The following TRAPPC10 variants were observed in gnomAD, a reference collection of about 807,000 sequenced individuals.
TRAPPC10 encodes trafficking protein particle complex subunit 10, also known as TRAPP 130 kDa subunit.
In TRAPPC10, 23 loss-of-function variants were observed where a neutral mutation model predicts 125.5. The ratio of observed to expected loss-of-function variants is 0.18; its 90% CI spans 0.13 to 0.26. The LOEUF (loss-of-function observed/expected upper bound fraction) is 0.26, where lower values mean the gene tolerates loss of function less well. Ranked by LOEUF, TRAPPC10 falls within the 10% of genes least tolerant of loss-of-function variation. TRAPPC10 has a pLI of 1.00. For missense variants in TRAPPC10, 1,123 were observed against 1,308.4 expected (o/e 0.86, Z 2.19); for synonymous variants, 509 against 518.0 (o/e 0.98, Z 0.24).
At position 44,063,259 on chromosome 21, in the gene TRAPPC10, CCTGT is replaced by C; in HGVS notation, c.791-272_791-269del. On this transcript the variant is annotated intron_variant, in intron 6 of 22. Coordinates refer to ENST00000291574, the MANE Select transcript of TRAPPC10 (RefSeq NM_003274.5). This position sits in a 1 kb window ranked among gnomAD's most constrained non-coding sequence, Gnocchi z 4.4. Reference sequence around the variant, plus strand: ...AGCCTGAGCTCCCCTAACCATGTAGCCTGTCTGTCTCTGGGTGACTTCCCAACCT... The same window carrying C: ...AGCCTGAGCTCCCCTAACCATGTAGCCTGTCTCTGGGTGACTTCCCAACCT... 1.6e-6 allele frequency: 2 copies of C among 1,253,142 alleles called. No individual in the cohort carries two copies. The highest frequency in any genetic ancestry group is 1.5e-5 in the South Asian group (1 of 65,250). The allele number at this position is 1,253,142 out of a possible 1,614,324, so 77.6% of individuals were successfully genotyped here.
chr21:44,028,519 A>C (rs1234625655), intron 1 of TRAPPC10, among the ~76,000 whole-genome samples: 1 of 152,040 alleles, frequency 6.6e-6, no homozygotes, highest in Admixed American at 6.5e-5. Flanking sequence ...TTAGGGATCC[A>C]TGGCACCCCA....
intron 8 of TRAPPC10, among the ~76,000 whole-genome samples, 179 bp downstream of exon 8, chr21:44,074,649 C>T (rs111399180): frequency 6.6e-6 from 1 of 152,344 alleles, no homozygotes; most frequent in African/African-American, 2.4e-5. Flanking sequence ...TACCACATGT[C>T]GATGTAGTCA....
In TRAPPC10 at chr21:44,082,040, G is replaced by A. The variant is rs1219260265; in HGVS notation, c.1724-748G>A. 2.6e-5 allele frequency among the ~76,000 whole-genome samples: 4 copies of A among 152,164 alleles called. No homozygotes were observed. The highest frequency in any genetic ancestry group is 5.9e-5 in the Non-Finnish European group (4 of 68,032). ...AGACTATTTGAGTTGTGATGTTCCT[G>A]CCAACGTTCCTTGGTATCTCTATAC... On this transcript the variant is annotated intron_variant, in intron 13 of 22. Transcript: ENST00000291574. The surrounding 1 kb of genome is among the most constrained non-coding windows in gnomAD (Gnocchi z 4.4).
chr21:44,020,782 A>G lies in TRAPPC10; in HGVS notation c.67+8222A>G, dbSNP rs113854087. Among the ~76,000 whole-genome samples, 827 of 152,324 alleles carry G rather than the reference A, an allele frequency of 5.4e-3. 2 individuals carry two copies. The highest frequency in any genetic ancestry group is 0.019 in the African/African-American group (786 of 41,566). ...GTCAGTTCACCTAGACCAGTCAGCAAGCTCTAAACATCCAGGTTAATGAGA... is the reference window on the plus strand; with the variant it reads ...GTCAGTTCACCTAGACCAGTCAGCAGGCTCTAAACATCCAGGTTAATGAGA... On this transcript the variant is annotated intron_variant, in intron 1 of 22. Transcript: ENST00000291574.
intron 4 of TRAPPC10, among the ~76,000 whole-genome samples, 197 bp downstream of exon 4, chr21:44,052,673 T>C (rs939571268): frequency 1.3e-5 from 2 of 151,894 alleles, no homozygotes; most frequent in African/African-American, 4.8e-5. Flanking sequence ...ATCCCCCGAG[T>C]GTGCTGCCTG....
At position 44,087,591 on chromosome 21, in the gene TRAPPC10, G is replaced by A. The variant is rs1450726652; in HGVS notation, c.2540-108G>A. The stretch of plus-strand genomic sequence containing the variant: ...GTTTGCCTGCCAGGTGCGCAGGAGC[G>A]GGAGAGGTTGAGCAGTGGCCTCACT... On this transcript the variant is annotated intron_variant, in intron 16 of 22. Coordinates refer to ENST00000291574, the MANE Select transcript of TRAPPC10 (RefSeq NM_003274.5). The surrounding 1 kb of genome is among the most constrained non-coding windows in gnomAD (Gnocchi z 4.6). 1.0e-5 allele frequency: 10 copies of A among 955,580 alleles called. No individual in the cohort carries two copies. Among genetic ancestry groups the A allele is most frequent in the South Asian group, 5.8e-5 (4 of 68,914 alleles). The allele number at this position is 955,580 out of a possible 1,614,324, so 59.2% of individuals were successfully genotyped here.
At chr21:44,065,483 A>G (rs1034961900) in intron 7 of TRAPPC10, among the ~76,000 whole-genome samples, 2 of 152,142 alleles carry the variant, frequency 1.3e-5, no homozygotes, top group South Asian at 2.1e-4. Flanking sequence ...AGTCATAGCT[A>G]TTGCACCTCT....
intron 13 of TRAPPC10, among the ~76,000 whole-genome samples, chr21:44,081,364 G>A (rs1035628514): frequency 1.7e-4 from 26 of 151,866 alleles, no homozygotes; most frequent in African/African-American, 6.0e-4. Context: ...TTGCCATATT[G>A]CCCAGGCTGG....
Position 44,046,947 on chromosome 21 carries a change from TA to T in TRAPPC10, c.286-5332del, listed in dbSNP as rs1386643855. 8.5e-6 allele frequency: 7 copies of T among 825,448 alleles called. No homozygotes were observed. The African/African-American group carries it at 1.2e-4, about 14-fold the overall frequency. The allele number at this position is 825,448 out of a possible 1,614,324, so 51.1% of individuals were successfully genotyped here. Reference sequence around the variant, plus strand: ...GTCCTACATTTCAGGTGTCGATGAATATGGCCCACTGGGAACTGCAAGCCGG... The same window carrying T: ...GTCCTACATTTCAGGTGTCGATGAATTGGCCCACTGGGAACTGCAAGCCGG... On this transcript the variant is annotated intron_variant, in intron 3 of 22. Coordinates refer to ENST00000291574, the MANE Select transcript of TRAPPC10 (RefSeq NM_003274.5).
chr21:44,018,966 A>T (rs2032188472), intron 1 of TRAPPC10, among the ~76,000 whole-genome samples: 1 of 152,104 alleles, frequency 6.6e-6, no homozygotes, highest in Admixed American at 6.5e-5. Context: ...TTGCACACTG[A>T]TCTCCAAGTA....
chr21:44,028,360 C>A (rs1459806254), intron 1 of TRAPPC10, among the ~76,000 whole-genome samples: 2 of 152,184 alleles, frequency 1.3e-5, no homozygotes, highest in Non-Finnish European at 2.9e-5. Flanking sequence ...AGCCTGGGGG[C>A]CCATCCAGCG....
At chr21:44,043,429 G>T (rs2034557154) in intron 3 of TRAPPC10, among the ~76,000 whole-genome samples, 1 of 151,844 alleles carries the variant, frequency 6.6e-6, no homozygotes, top group Non-Finnish European at 1.5e-5. Context: ...GGCCAGGCTG[G>T]TCTCAAACTC....
intron 3 of TRAPPC10, chr21:44,046,578 C>A: frequency 5.4e-6 from 1 of 185,090 alleles, no homozygotes. Context: ...ATGGCACGAT[C>A]TCGGCTCACT....
chr21:44,023,592 C>T (rs2032774043), intron 1 of TRAPPC10, among the ~76,000 whole-genome samples: 2 of 152,046 alleles, frequency 1.3e-5, no homozygotes, highest in African/African-American at 4.8e-5. Context: ...CAAGATGTTC[C>T]GGGCTCATTT....
intron 1 of TRAPPC10, among the ~76,000 whole-genome samples, chr21:44,016,738 A>G (rs1006327281): frequency 7.2e-5 from 11 of 152,136 alleles, no homozygotes; most frequent in Non-Finnish European, 5.9e-5. Flanking sequence ...GGCTAACTGC[A>G]AGCTCCGCCT....
intron 1 of TRAPPC10, among the ~76,000 whole-genome samples, chr21:44,022,276 AT>A (rs58767563): frequency 0.012 from 968 of 83,678 alleles, 2 homozygotes; most frequent in African/African-American, 0.026. Context: ...GCCTGGCTAA[AT>A]TTTTTTTTTT....
At position 44,080,046 on chromosome 21, in the gene TRAPPC10, G is replaced by C; in HGVS notation, c.1642G>C (p.Asp548His). Residue 548 changes from aspartate (D) to histidine (H), a missense_variant, in exon 13 of 23, where the codon GAC becomes CAC. Physicochemically the swap from Asp to His is moderately conservative, Grantham distance 81. Transcript: ENST00000291574. ...GCAGACCAGCAGCCTCTTAGCCAGT[G>C]ACCACCACCTCACTGAAGAGGAGCG... ...YLQTSSLLAS[D>H]HHLTEEERKH... The C allele has an allele frequency of 6.2e-7, 1 of 1,614,138 alleles. No homozygotes were observed. Among genetic ancestry groups the C allele is most frequent in the Non-Finnish European group, 8.5e-7 (1 of 1,180,032 alleles).
intron 2 of TRAPPC10, among the ~76,000 whole-genome samples, chr21:44,034,236 G>C (rs1029248919): frequency 6.6e-6 from 1 of 152,170 alleles, no homozygotes; most frequent in African/African-American, 2.4e-5. Context: ...CAGGGCTGGA[G>C]ATGGGGGTTG....
At chr21:44,050,438 G>GCCTT (rs1252767258) in intron 3 of TRAPPC10, among the ~76,000 whole-genome samples, 2 of 152,164 alleles carry the variant, frequency 1.3e-5, no homozygotes, top group Non-Finnish European at 2.9e-5. Context: ...GCTCTTGGTG[G>GCCTT]CCTTGTAAGA....
Sources: gnomAD v4.1 joint callset for allele counts (sites outside exome capture counted in the v4.1 genomes callset) on GRCh38, gnomAD v4.1.1 for gene constraint, Gnocchi (gnomAD v3.1) non-coding constraint, MANE v1.5 for transcripts, NCBI Gene and HGNC (gene_info 2026-07-23, HGNC 2026-07-21) for gene names.